SENP6: variants seen among roughly 807,000 people sequenced by gnomAD.
SENP6 encodes SUMO specific peptidase 6.
SENP6 carries 41 observed loss-of-function variants against 134.5 expected under a neutral mutation model. That is an observed-to-expected ratio of 0.30 (90% CI 0.24 to 0.40). The LOEUF is 0.40. Among genes scored for constraint, SENP6 ranks in the 10% least tolerant of loss-of-function variants. The pLI, the probability that SENP6 is intolerant of heterozygous loss-of-function variation, is 1.00. For synonymous variants in SENP6, 395 were observed against 429.8 expected, an observed-to-expected ratio of 0.92 and a Z score of 1.00; for missense variants, 1,248 against 1,312.5, an observed-to-expected ratio of 0.95 and a Z score of 0.76.
chr6:75,693,886 A>C (rs1354251641), intron 16 of SENP6, among the ~76,000 whole-genome samples: 2 of 152,166 alleles, frequency 1.3e-5, no homozygotes, highest in Non-Finnish European at 2.9e-5. Flanking sequence ...AATATATCAT[A>C]ATTTCCCTTT....
intron 1 of SENP6, among the ~76,000 whole-genome samples, chr6:75,614,076 T>C (rs1224061123): frequency 6.6e-6 from 1 of 152,212 alleles, no homozygotes; most frequent in Non-Finnish European, 1.5e-5. Context: ...TGTTTCCTTA[T>C]GATTCAAGTC....
In SENP6 at chr6:75,632,081, T is replaced by G. The variant is rs576785221; in HGVS notation, c.208-1500T>G. Among the ~76,000 whole-genome samples the G allele has an allele frequency of 3.3e-5, 5 of 152,354 alleles. No homozygotes were observed. In the East Asian group the frequency reaches 9.6e-4, roughly 29 times the overall value. On this transcript the variant is annotated intron_variant, in intron 3 of 23. Coordinates refer to ENST00000447266, the MANE Select transcript of SENP6 (RefSeq NM_015571.4). ...TTTATCATATGCCTGACAGCATTGC[T>G]GCATAGTACCAGAGTTAAGCTGTCC...
At chr6:75,655,719 AAAC>A (rs955147818) in intron 7 of SENP6, among the ~76,000 whole-genome samples, 2 of 152,156 alleles carry the variant, frequency 1.3e-5, no homozygotes, top group African/African-American at 2.4e-5. Flanking sequence ...AATAATCGAT[AAAC>A]AACACCTGGG....
At chr6:75,607,821 A>T (rs1276085268) in intron 1 of SENP6, among the ~76,000 whole-genome samples, 1 of 152,148 alleles carries the variant, frequency 6.6e-6, no homozygotes, top group Non-Finnish European at 1.5e-5. Flanking sequence ...CCAGTCTTTT[A>T]TGTTATATAT....
intron 11 of SENP6, among the ~76,000 whole-genome samples, chr6:75,673,122 C>G (rs570867489): frequency 6.6e-6 from 1 of 152,154 alleles, no homozygotes; most frequent in South Asian, 2.1e-4. Flanking sequence ...CCACTGCACC[C>G]GGCCAATTGG....
intron 16 of SENP6, among the ~76,000 whole-genome samples, chr6:75,695,459 G>A (rs565406068): frequency 7.9e-5 from 12 of 152,202 alleles, no homozygotes; most frequent in African/African-American, 1.2e-4. Context: ...AACTGTGGCC[G>A]GGCGCCATGG....
chr6:75,616,890 G>T (rs1165449554), intron 1 of SENP6, among the ~76,000 whole-genome samples: 1 of 151,844 alleles, frequency 6.6e-6, no homozygotes, highest in Admixed American at 6.6e-5. Flanking sequence ...TTTTGAGATT[G>T]TCTTGCTGTG....
intron 17 of SENP6, 43 bp from the exon 18 acceptor site, chr6:75,697,382 C>A: frequency 7.4e-7 from 1 of 1,352,440 alleles, no homozygotes; most frequent in Non-Finnish European, 1.0e-6. Flanking sequence ...AGCTGGAGCA[C>A]TAGAAATATT....
intron 18 of SENP6, among the ~76,000 whole-genome samples, chr6:75,698,901 C>G (rs2149896908): frequency 6.6e-6 from 1 of 151,746 alleles, no homozygotes; most frequent in South Asian, 2.1e-4. Context: ...ATCCCAGCTA[C>G]TCAGGAGGCT....
chr6:75,617,885 A>G (rs1561969169), intron 1 of SENP6, among the ~76,000 whole-genome samples: 1 of 152,182 alleles, frequency 6.6e-6, no homozygotes, highest in African/African-American at 2.4e-5. Flanking sequence ...TACTGTATAC[A>G]GGTATTTTAT....
chr6:75,666,926 A>G lies in SENP6; in HGVS notation c.1209A>G (p.Ala403=). The G allele has an allele frequency of 6.3e-7, 1 of 1,598,746 alleles. No homozygotes were observed. The highest frequency in any genetic ancestry group is 8.6e-7 in the Non-Finnish European group (1 of 1,168,262). The change falls in exon 10 of 24, where the codon GCA becomes GCG. Residue 403 remains alanine, a synonymous_variant. Transcript: ENST00000447266. ...ATACAGTTACATTGCCAAGAAAAGC[A>G]AGAATGAAAGACCAGGTACTTTTCA... ...ELNTVTLPRK[A]RMKDQFGNSI...
intron 8 of SENP6, among the ~76,000 whole-genome samples, chr6:75,659,785 C>G (rs1263063101): frequency 6.6e-6 from 1 of 152,094 alleles, no homozygotes; most frequent in Non-Finnish European, 1.5e-5. Context: ...GCCTTTTTCC[C>G]TCCTTCCTCC....
intron 6 of SENP6, among the ~76,000 whole-genome samples, chr6:75,642,143 ACGCTTTT>A (rs767697495): frequency 1.6e-4 from 24 of 152,364 alleles, no homozygotes; most frequent in Admixed American, 1.2e-3. Context: ...TTTTAGGCAT[ACGCTTTT>A]ATTCATTCCA....
intron 16 of SENP6, among the ~76,000 whole-genome samples, chr6:75,690,186 C>A (rs1389592115): frequency 6.6e-6 from 1 of 152,182 alleles, no homozygotes; most frequent in African/African-American, 2.4e-5. Context: ...TCTGGGATTA[C>A]AGGCATAAGC....
chr6:75,699,271 A>AGAAAAT (rs1774861790), intron 18 of SENP6, among the ~76,000 whole-genome samples: 1 of 151,824 alleles, frequency 6.6e-6, no homozygotes, highest in African/African-American at 2.4e-5. Context: ...AGTGAGAGGT[A>AGAAAAT]GAAAATGAAC....
chr6:75,676,141 G>A (rs757216987), intron 13 of SENP6, 87 bp downstream of exon 13: 1 of 799,462 alleles, frequency 1.3e-6, no homozygotes, highest in African/African-American at 1.8e-5. Flanking sequence ...AGTGCACTTT[G>A]ACAGATGCCT....
At chr6:75,705,856 T>TATGGAACA (rs1775356984) in intron 19 of SENP6, among the ~76,000 whole-genome samples, 1 of 148,700 alleles carries the variant, frequency 6.7e-6, no homozygotes, top group East Asian at 2.0e-4. Flanking sequence ...AAATTGTGAA[T>TATGGAACA]ATGGAACATA....
At chr6:75,649,202 C>G (rs569884791) in intron 7 of SENP6, among the ~76,000 whole-genome samples, 1 of 152,024 alleles carries the variant, frequency 6.6e-6, no homozygotes, top group East Asian at 1.9e-4. Flanking sequence ...ATAATCCCAG[C>G]TACTCGGAAG....
chr6:75,607,273 T>C (rs933378555), intron 1 of SENP6, among the ~76,000 whole-genome samples: 2 of 151,672 alleles, frequency 1.3e-5, no homozygotes, highest in Non-Finnish European at 2.9e-5. Flanking sequence ...CATTCCCACC[T>C]GGGAGTACAG....
Sources: allele counts gnomAD v4.1 joint callset (sites outside exome capture counted in the v4.1 genomes callset), GRCh38; gene constraint gnomAD v4.1.1; transcripts MANE v1.5; gene names NCBI Gene and HGNC (gene_info 2026-07-23, HGNC 2026-07-21).